Variants in ROBO2 observed in about 807,000 individuals in gnomAD.
ROBO2 encodes the protein roundabout guidance receptor 2.
ROBO2 carries 53 observed loss-of-function variants against 160.8 expected under a neutral mutation model. The ratio of observed to expected loss-of-function variants is 0.33; its 90% CI spans 0.26 to 0.41. The LOEUF (loss-of-function observed/expected upper bound fraction) is 0.41, where lower values mean the gene tolerates loss of function less well. Among genes scored for constraint, ROBO2 ranks in the 10% least tolerant of loss-of-function variants. ROBO2 has a pLI of 1.00. For synonymous variants in ROBO2, 664 were observed against 611.7 expected, an observed-to-expected ratio of 1.09 and a Z score of -1.26; for missense variants, 1,577 against 1,722.4, an observed-to-expected ratio of 0.92 and a Z score of 1.49.
intron 2 of ROBO2, among the ~76,000 whole-genome samples, chr3:75,968,509 A>G (rs2107337136): frequency 6.6e-6 from 1 of 151,744 alleles, no homozygotes; most frequent in Non-Finnish European, 1.5e-5. Context: ...TAAGGCATAC[A>G]CATATGCCAT....
intron 2 of ROBO2, among the ~76,000 whole-genome samples, chr3:77,006,388 G>T (rs1268436461): frequency 6.6e-6 from 1 of 150,480 alleles, no homozygotes; most frequent in Non-Finnish European, 1.5e-5. Flanking sequence ...AAGTTCTGAT[G>T]TACATGCAGG....
intron 2 of ROBO2, among the ~76,000 whole-genome samples, chr3:76,536,951 G>T (rs1471713567): frequency 6.6e-6 from 1 of 152,132 alleles, no homozygotes; most frequent in East Asian, 1.9e-4. Flanking sequence ...TGGGCAGGTG[G>T]GGGAGAGCTA....
intron 2 of ROBO2, among the ~76,000 whole-genome samples, chr3:76,895,932 C>T (rs537147798): frequency 7.9e-5 from 12 of 152,154 alleles, no homozygotes; most frequent in Non-Finnish European, 1.3e-4. Flanking sequence ...AGTAATAGGA[C>T]GCTTTCCTTT....
At chr3:76,844,939 A>C (rs1476245695) in intron 2 of ROBO2, among the ~76,000 whole-genome samples, 2 of 151,988 alleles carry the variant, frequency 1.3e-5, no homozygotes, top group Non-Finnish European at 2.9e-5. Context: ...TTTAAAAAGA[A>C]CCTACTAAGT....
intron 2 of ROBO2, among the ~76,000 whole-genome samples, chr3:76,467,423 C>T (rs1559996001): frequency 6.6e-6 from 1 of 152,046 alleles, no homozygotes; most frequent in Non-Finnish European, 1.5e-5. Flanking sequence ...ATAAAATACA[C>T]ATGTTTAGAA....
chr3:76,174,325 C>G (rs549392212), intron 2 of ROBO2, among the ~76,000 whole-genome samples: 1 of 152,278 alleles, frequency 6.6e-6, no homozygotes, highest in African/African-American at 2.4e-5. Context: ...CCTGTTCACT[C>G]TGATGATAGT....
intron 2 of ROBO2, among the ~76,000 whole-genome samples, chr3:76,298,606 G>T (rs1349716460): frequency 6.6e-6 from 1 of 152,172 alleles, no homozygotes; most frequent in Non-Finnish European, 1.5e-5. Flanking sequence ...TTCTCCGAGT[G>T]CAGGCTCTCT....
chr3:77,642,535 A>G, intron 24 of ROBO2, 136 bp from the exon 26 acceptor site: 1 of 357,920 alleles, frequency 2.8e-6, no homozygotes, highest in South Asian at 2.1e-5. Context: ...GAAATAAATA[A>G]TTGACTTTTA....
intron 1 of ROBO2, among the ~76,000 whole-genome samples, chr3:77,086,377 T>C (rs1343156682): frequency 2.6e-5 from 4 of 152,178 alleles, no homozygotes; most frequent in East Asian, 1.9e-4. Context: ...GGAAGCAAGA[T>C]GCAGAGAAGG....
At chr3:76,379,013 A>G (rs1321181514) in intron 2 of ROBO2, among the ~76,000 whole-genome samples, 1 of 152,154 alleles carries the variant, frequency 6.6e-6, no homozygotes, top group Non-Finnish European at 1.5e-5. Flanking sequence ...CACCAGAGTA[A>G]TGAAAGATCA....
At chr3:76,654,856 C>T (rs201354721) in intron 2 of ROBO2, among the ~76,000 whole-genome samples, 48,455 of 128,868 alleles carry the variant, frequency 0.38, 8,561 homozygotes, top group South Asian at 0.48. Flanking sequence ...TATATATATA[C>T]ACACACGTAC....
At chr3:76,483,139 A>G (rs1230477456) in intron 2 of ROBO2, among the ~76,000 whole-genome samples, 3 of 152,132 alleles carry the variant, frequency 2.0e-5, no homozygotes, top group Admixed American at 1.3e-4. Context: ...ACTAATAGGA[A>G]CTATAGTGCT....
At chr3:76,935,889 C>T (rs1413729795) in intron 2 of ROBO2, among the ~76,000 whole-genome samples, 1 of 152,156 alleles carries the variant, frequency 6.6e-6, no homozygotes, top group Non-Finnish European at 1.5e-5. Context: ...TCTCTGCTCT[C>T]AAGACCTCAT....
At chr3:77,241,091 T>G (rs1211072774) in intron 2 of ROBO2, among the ~76,000 whole-genome samples, 1 of 152,224 alleles carries the variant, frequency 6.6e-6, no homozygotes, top group African/African-American at 2.4e-5. Context: ...TTTGATGAAT[T>G]AGTAAATAAA....
chr3:76,008,420 GGTAA>G (rs780159039), intron 2 of ROBO2, among the ~76,000 whole-genome samples: 8 of 151,770 alleles, frequency 5.3e-5, no homozygotes, highest in Non-Finnish European at 1.0e-4. Flanking sequence ...AACTCCAAAG[GGTAA>G]GTATTAGCAG....
chr3:77,396,727 A>G (rs2075317609), intron 2 of ROBO2, among the ~76,000 whole-genome samples: 1 of 152,112 alleles, frequency 6.6e-6, no homozygotes. Flanking sequence ...GGAGAGTTCA[A>G]ATCTTGCAAT....
At chr3:76,367,657 A>G (rs1460384158) in intron 2 of ROBO2, among the ~76,000 whole-genome samples, 2 of 152,010 alleles carry the variant, frequency 1.3e-5, no homozygotes, top group African/African-American at 4.8e-5. Flanking sequence ...TACCATTTAC[A>G]TTGTTCAAGT....
At chr3:77,460,745 G>A (rs2082154934) in intron 2 of ROBO2, among the ~76,000 whole-genome samples, 2 of 152,036 alleles carry the variant, frequency 1.3e-5, no homozygotes, top group South Asian at 2.1e-4. Context: ...TTAACTCTTA[G>A]CAAATATATA....
intron 2 of ROBO2, among the ~76,000 whole-genome samples, chr3:77,346,048 A>G (rs2067598255): frequency 6.6e-6 from 1 of 152,262 alleles, no homozygotes; most frequent in Middle Eastern, 3.4e-3. Flanking sequence ...TACAAACTAC[A>G]TAATACTCTG....
Sources: allele counts gnomAD v4.1 joint callset (sites outside exome capture counted in the v4.1 genomes callset), GRCh38; gene constraint gnomAD v4.1.1; transcripts MANE v1.5; gene names NCBI Gene and HGNC (gene_info 2026-07-23, HGNC 2026-07-21).